Variants in NCS1 observed in about 807,000 individuals in gnomAD.
NCS1 encodes neuronal calcium sensor 1.
NCS1 carries 6 observed loss-of-function variants against 28.4 expected under a neutral mutation model. The observed-to-expected ratio is 0.21, with a 90% CI of 0.12 to 0.42. NCS1 has a LOEUF of 0.42. Ranked by LOEUF, NCS1 falls within the 10% of genes least tolerant of loss-of-function variation. The pLI is 1.00. For missense variants in NCS1, 131 were observed against 241.4 expected (o/e 0.54, Z 3.03); for synonymous variants, 86 against 99.3 (o/e 0.87, Z 0.79).
intron 1 of NCS1, among the ~76,000 whole-genome samples, chr9:130,193,442 C>T (rs1257453960): frequency 2.0e-5 from 3 of 152,032 alleles, no homozygotes; most frequent in Non-Finnish European, 4.4e-5. Flanking sequence ...GTCCAGCCAG[C>T]CCTGGACAGT....
At chr9:130,182,322 T>C (rs1040151990) in intron 1 of NCS1, among the ~76,000 whole-genome samples, 4 of 152,276 alleles carry the variant, frequency 2.6e-5, no homozygotes, top group Admixed American at 2.6e-4. Flanking sequence ...CCACCGTCTC[T>C]GTGAGCCTCA....
rs543102359 is a variant in NCS1, at chr9:130,232,122, T to G, written c.*18-868T>G. Among the ~76,000 whole-genome samples the G allele has an allele frequency of 3.3e-5, 5 of 152,156 alleles. No individual in the cohort carries two copies. The highest frequency in any genetic ancestry group is 7.3e-5 in the Non-Finnish European group (5 of 68,028). On this transcript the variant is annotated intron_variant, in intron 7 of 7. Transcript: ENST00000372398. This position sits in a 1 kb window ranked among gnomAD's most constrained non-coding sequence, Gnocchi z 4.4. ...CAGCCACGTCCGGCTAATTTTTGTA[T>G]TTTTGGTAGAGACCGGGTTTCACTG...
intron 2 of NCS1, among the ~76,000 whole-genome samples, chr9:130,206,403 CTTTTTTTT>C (rs71387330): frequency 8.6e-6 from 1 of 116,516 alleles, no homozygotes; most frequent in Non-Finnish European, 1.7e-5. Flanking sequence ...TTCTTTCTTT[CTTTTTTTT>C]TTTTTTTTTT....
At chr9:130,222,124 A>ATATG (rs1243126367) in intron 4 of NCS1, among the ~76,000 whole-genome samples, 4 of 134,278 alleles carry the variant, frequency 3.0e-5, no homozygotes, top group African/African-American at 1.2e-4. Context: ...GTATATATAT[A>ATATG]TGTGTATATA....
At chr9:130,174,915 A>T (rs2131111101) in intron 1 of NCS1, among the ~76,000 whole-genome samples, 1 of 151,850 alleles carries the variant, frequency 6.6e-6, no homozygotes, top group East Asian at 1.9e-4. Context: ...CTCCGGGCAG[A>T]TCTGTCAACT....
intron 2 of NCS1, among the ~76,000 whole-genome samples, chr9:130,206,226 C>T (rs141228433): frequency 0.013 from 2,036 of 152,148 alleles, 41 homozygotes; most frequent in African/African-American, 0.046. Flanking sequence ...TGGTTAACCA[C>T]GAGCCTGCCT....
chr9:130,225,472 C>T (rs77104161), intron 6 of NCS1, among the ~76,000 whole-genome samples: 8 of 152,368 alleles, frequency 5.3e-5, no homozygotes, highest in South Asian at 2.1e-4. Context: ...AGGCCAAGGC[C>T]GCACATTCCT....
At chr9:130,188,691 A>G (rs1165926456) in intron 1 of NCS1, among the ~76,000 whole-genome samples, 4 of 150,778 alleles carry the variant, frequency 2.7e-5, no homozygotes, top group Non-Finnish European at 5.9e-5. Flanking sequence ...GATTACAGGC[A>G]TGAGCCACTG....
chr9:130,194,184 G>T (rs546801598), intron 1 of NCS1, among the ~76,000 whole-genome samples: 1 of 152,350 alleles, frequency 6.6e-6, no homozygotes, highest in Non-Finnish European at 1.5e-5. Flanking sequence ...CAGGAGAGAG[G>T]TGTTTTGCTT....
intron 4 of NCS1, among the ~76,000 whole-genome samples, chr9:130,221,397 T>TTTA (rs1833291065): frequency 4.9e-5 from 3 of 61,226 alleles, no homozygotes; most frequent in African/African-American, 1.9e-4. Context: ...TATATATATA[T>TTTA]ATATATATAT....
rs1832636061 is a variant in NCS1, at chr9:130,180,207, T to A, written c.64+7480T>A. 6.6e-6 allele frequency among the ~76,000 whole-genome samples: 1 copy of A among 152,152 alleles called. No individual in the cohort carries two copies. The highest frequency in any genetic ancestry group is 1.5e-5 in the Non-Finnish European group (1 of 68,018). On this transcript the variant is annotated intron_variant, in intron 1 of 7. Coordinates refer to ENST00000372398, the MANE Select transcript of NCS1 (RefSeq NM_014286.4). This position sits in a 1 kb window ranked among gnomAD's most constrained non-coding sequence, Gnocchi z 4.5. ...CACCACCACACCTGGCTAATTTTTG[T>A]ATTTTTAGTGGAGATGGGGTCTTGC...
At chr9:130,174,572 C>T (rs961203760) in intron 1 of NCS1, among the ~76,000 whole-genome samples, 2 of 152,276 alleles carry the variant, frequency 1.3e-5, no homozygotes, top group East Asian at 1.9e-4. Flanking sequence ...CAGTGGCTCA[C>T]GCCTGTAATC....
intron 1 of NCS1, among the ~76,000 whole-genome samples, chr9:130,188,335 T>C (rs1167298259): frequency 6.6e-6 from 1 of 152,194 alleles, no homozygotes; most frequent in Non-Finnish European, 1.5e-5. Context: ...GGCTGAGGCC[T>C]GCACATCAGC....
chr9:130,217,219 G>A (rs1833203576), intron 2 of NCS1, among the ~76,000 whole-genome samples: 1 of 152,244 alleles, frequency 6.6e-6, no homozygotes, highest in African/African-American at 2.4e-5. Context: ...CAGCCACGTA[G>A]GGATCTGGAG....
chr9:130,199,838 A>C (rs1832918244), intron 1 of NCS1, among the ~76,000 whole-genome samples: 1 of 152,142 alleles, frequency 6.6e-6, no homozygotes, highest in Non-Finnish European at 1.5e-5. Context: ...CTGGGAATAG[A>C]TTCTAGTTCC....
In NCS1 at chr9:130,177,681, C is replaced by T. The variant is rs1832593088; in HGVS notation, c.64+4954C>T. On this transcript the variant is annotated intron_variant, in intron 1 of 7. Transcript: ENST00000372398. The surrounding 1 kb of genome is among the most constrained non-coding windows in gnomAD (Gnocchi z 4.4). ...TGCGGTGCGGGGCTGGGTCCTCACT[C>T]GGCCTTGGTGACCTTGGGGAAGTCC... 6.6e-6 allele frequency among the ~76,000 whole-genome samples: 1 copy of T among 152,244 alleles called. No individual in the cohort carries two copies.
rs1554906293 is a variant in NCS1 at position 130,191,985 on chromosome 9, G to A, written c.65-8973G>A. Among the ~76,000 whole-genome samples, 2 of 152,126 alleles carry A rather than the reference G, an allele frequency of 1.3e-5. No homozygotes were observed. The highest frequency in any genetic ancestry group is 2.4e-5 in the African/African-American group (1 of 41,424). ...AGGGCAGAAGGGCTGGGGAACGCGC[G>A]GCGAGTGGGTCAGGGCGAGGGGCTC... On this transcript the variant is annotated intron_variant, in intron 1 of 7. Coordinates refer to ENST00000372398, the MANE Select transcript of NCS1 (RefSeq NM_014286.4). The surrounding 1 kb of genome is among the most constrained non-coding windows in gnomAD (Gnocchi z 6.4).
intron 2 of NCS1, among the ~76,000 whole-genome samples, chr9:130,213,473 G>A (rs1554909008): frequency 6.6e-6 from 1 of 151,948 alleles, no homozygotes; most frequent in Non-Finnish European, 1.5e-5. Flanking sequence ...TAGAGACGGG[G>A]TTTCACCGTG....
rs1461022290 is a variant in NCS1, at chr9:130,235,859, C to G, written c.*2887C>G. ...GCTTCAGATGCTCTGATGCAGAGGG[C>G]ACGCCCATAGTCCCTCTGCAGAGCC... On this transcript the variant is annotated 3_prime_UTR_variant, in exon 8 of 8. Transcript: ENST00000372398. 1 of 152,448 alleles carries G rather than the reference C, an allele frequency of 6.6e-6. No homozygotes were observed. Among genetic ancestry groups the G allele is most frequent in the East Asian group, 1.9e-4 (1 of 5,186 alleles). The allele number at this position is 152,448 out of a possible 1,614,324, so 9.4% of individuals were successfully genotyped here. A position where few individuals can be genotyped will look rare whatever the true frequency, so the allele number is the denominator to read the frequency against.
Sources: gnomAD v4.1 joint callset for allele counts (sites outside exome capture counted in the v4.1 genomes callset) on GRCh38, gnomAD v4.1.1 for gene constraint, Gnocchi (gnomAD v3.1) non-coding constraint, MANE v1.5 for transcripts, NCBI Gene and HGNC (gene_info 2026-07-23, HGNC 2026-07-21) for gene names.